Variants in SHROOM4 observed in about 807,000 individuals in gnomAD.
SHROOM4 encodes the protein protein Shroom4.
SHROOM4 carries 17 observed loss-of-function variants against 80.3 expected under a neutral mutation model. The observed-to-expected ratio is 0.21, with a 90% CI of 0.14 to 0.32. The LOEUF is 0.32. SHROOM4 is among the 10% of genes least tolerant of loss of function. The probability of loss-of-function intolerance (pLI) is 1.00; values close to 1 mark genes in which losing one functional copy is unlikely to be tolerated. For missense variants in SHROOM4, 993 were observed against 1,140.3 expected (o/e 0.87, Z 1.86); for synonymous variants, 400 against 437.5 (o/e 0.91, Z 1.07).
intron 1 of SHROOM4, among the ~76,000 whole-genome samples, chrX:50,801,260 A>AGG (rs369348347): frequency 1.1e-3 from 35 of 33,076 alleles, no homozygotes; most frequent in Non-Finnish European, 1.9e-3. Flanking sequence ...AGAGAGAAAG[A>AGG]GGAGAGAGAG....
At chrX:50,733,407 C>T (rs1357279913) in intron 1 of SHROOM4, among the ~76,000 whole-genome samples, 5 of 111,417 alleles carry the variant, frequency 4.5e-5, no homozygotes, top group Non-Finnish European at 7.5e-5. Flanking sequence ...GAGGGCATTG[C>T]CCTTATGAAT....
intron 2 of SHROOM4, among the ~76,000 whole-genome samples, chrX:50,672,485 A>C (rs1203439787): frequency 2.7e-5 from 3 of 111,962 alleles, no homozygotes; most frequent in Admixed American, 1.9e-4. Flanking sequence ...ATTACCCAAT[A>C]CGAACAACAG....
chrX:50,608,243 T>G, intron 5 of SHROOM4, 59 bp from the exon 6 acceptor site: 1 of 1,085,452 alleles, frequency 9.2e-7, no homozygotes, highest in Non-Finnish European at 1.3e-6. Context: ...GGCCCATATT[T>G]TGGATGACAA....
At chrX:50,636,316 T>G (rs1557256119) in intron 3 of SHROOM4, among the ~76,000 whole-genome samples, 1 of 110,424 alleles carries the variant, frequency 9.1e-6, no homozygotes, top group East Asian at 2.9e-4. Flanking sequence ...AGGGAAGTGA[T>G]TTTGAGATGG....
chrX:50,679,673 C>T (rs1932902423), intron 2 of SHROOM4, among the ~76,000 whole-genome samples: 1 of 111,563 alleles, frequency 9.0e-6, no homozygotes, highest in Admixed American at 9.5e-5. Flanking sequence ...ATCACCCAAA[C>T]ATTTATCATT....
intron 1 of SHROOM4, among the ~76,000 whole-genome samples, chrX:50,750,745 TG>T (rs1934898716): frequency 8.9e-6 from 1 of 112,214 alleles, no homozygotes; most frequent in South Asian, 3.7e-4. Flanking sequence ...AAGACCTATA[TG>T]GGAAGCAATC....
At chrX:50,806,607 A>G (rs1199757699) in intron 1 of SHROOM4, among the ~76,000 whole-genome samples, 1 of 112,593 alleles carries the variant, frequency 8.9e-6, no homozygotes, top group Admixed American at 9.4e-5. Flanking sequence ...TGAAGGGAGT[A>G]TATCTCAGGG....
intron 1 of SHROOM4, among the ~76,000 whole-genome samples, chrX:50,778,895 T>C (rs890341710): frequency 9.0e-6 from 1 of 111,688 alleles, no homozygotes; most frequent in Admixed American, 9.6e-5. Context: ...TTACTTGGCC[T>C]ATATGTGCCT....
chrX:50,661,432 G>A (rs1183450329), intron 2 of SHROOM4, among the ~76,000 whole-genome samples: 3 of 111,381 alleles, frequency 2.7e-5, no homozygotes, highest in Admixed American at 9.5e-5. Context: ...TCCTGAGCTC[G>A]GGTAATCTGC....
At chrX:50,575,886 C>T in the SHROOM4 span, among the ~76,000 whole-genome samples, 1 of 111,905 alleles carries the variant, frequency 8.9e-6, no homozygotes, top group South Asian at 3.8e-4. Context: ...AATCCTCAAT[C>T]CCAGGAAACC....
intron 1 of SHROOM4, among the ~76,000 whole-genome samples, chrX:50,812,957 G>A: frequency 9.0e-6 from 1 of 111,559 alleles, no homozygotes; most frequent in Non-Finnish European, 1.9e-5. Context: ...ACCTCAAGGT[G>A]AGTCGTCCCA....
chrX:50,630,989 T>G (rs1207158454), intron 4 of SHROOM4, among the ~76,000 whole-genome samples: 1 of 111,533 alleles, frequency 9.0e-6, no homozygotes, highest in Non-Finnish European at 1.9e-5. Flanking sequence ...TTATACAAAC[T>G]CTTCCTGAAA....
chrX:50,808,635 T>C (rs1936273753), intron 1 of SHROOM4, among the ~76,000 whole-genome samples: 1 of 110,241 alleles, frequency 9.1e-6, no homozygotes, highest in Non-Finnish European at 1.9e-5. Context: ...TCTAAAGAAG[T>C]CTAACTATAA....
chrX:50,762,120 C>T (rs1222630269), intron 1 of SHROOM4, among the ~76,000 whole-genome samples: 3 of 111,854 alleles, frequency 2.7e-5, no homozygotes, highest in Admixed American at 1.9e-4. Context: ...ACAGTACAAA[C>T]TCAACAGTGC....
Position 50,608,167 on chromosome X carries a change from T to G in SHROOM4, c.2975A>C (p.Lys992Thr). Residue 992 changes from lysine (K) to threonine (T), a missense_variant, in exon 6 of 9, where the codon AAG (lysine) becomes ACG (threonine). Lys to Thr is a moderately conservative substitution (Grantham distance 78, BLOSUM62 -1). Coordinates refer to ENST00000376020, the MANE Select transcript of SHROOM4 (RefSeq NM_020717.5). ...SQSGREMAHS[K>T]TSFSWATPFH... ...AGGGGTTGCCCATGAAAAGCTAGTC[T>G]TGGAATGAGCCATTTCCCTGCAAAA... The G allele has an allele frequency of 8.3e-7, 1 of 1,211,596 alleles. No homozygotes were observed. Among genetic ancestry groups the G allele is most frequent in the Non-Finnish European group, 1.1e-6 (1 of 895,473 alleles).
rs782754185 is a variant in SHROOM4 at position 50,592,309 on chromosome X, C to T, written c.*4386G>A. The T allele has an allele frequency of 3.3e-5, 9 of 274,025 alleles. No individual in the cohort carries two copies. The highest frequency in any genetic ancestry group is 5.5e-5 in the Non-Finnish European group (8 of 145,055). The allele number at this position is 274,025 out of a possible 1,213,427, so 22.6% of individuals were successfully genotyped here. A position where few individuals can be genotyped will look rare whatever the true frequency, so the allele number is the denominator to read the frequency against. ...CTGCTATCACTGGGTTTGGGGTGGG[C>T]CTGGGATTCTGCCTAATAACTTCTT... On this transcript the variant is annotated 3_prime_UTR_variant, in exon 9 of 9. Transcript: ENST00000376020.
At chrX:50,806,810 A>C (rs1022280322) in intron 1 of SHROOM4, among the ~76,000 whole-genome samples, 9 of 112,599 alleles carry the variant, frequency 8.0e-5, no homozygotes, top group Non-Finnish European at 1.7e-4. Flanking sequence ...CACCTTGGGC[A>C]CTAATGGTAG....
At chrX:50,778,911 G>C (rs566054309) in intron 1 of SHROOM4, among the ~76,000 whole-genome samples, 1 of 111,522 alleles carries the variant, frequency 9.0e-6, no homozygotes, top group African/African-American at 3.3e-5. Flanking sequence ...TGCCTCAATT[G>C]CCTCATCCGT....
chrX:50,580,771 A>C, the SHROOM4 span, among the ~76,000 whole-genome samples: 1 of 111,852 alleles, frequency 8.9e-6, no homozygotes, highest in African/African-American at 3.3e-5. Context: ...TCTGGGCCAC[A>C]GAGTAAGACC....
Sources: gnomAD v4.1 joint callset for allele counts (sites outside exome capture counted in the v4.1 genomes callset) on GRCh38, gnomAD v4.1.1 for gene constraint, MANE v1.5 for transcripts, NCBI Gene and HGNC (gene_info 2026-07-23, HGNC 2026-07-21) for gene names.